Variants in LHFPL3 observed in about 807,000 individuals in gnomAD.
The protein encoded by LHFPL3 is LHFPL tetraspan subfamily member 3.
LHFPL3 carries 5 observed loss-of-function variants against 19.3 expected under a neutral mutation model. The observed-to-expected ratio is 0.26, with a 90% CI of 0.14 to 0.54. The LOEUF (loss-of-function observed/expected upper bound fraction) is 0.54. Ranked by LOEUF, LHFPL3 falls within the 20% of genes least tolerant of loss-of-function variation. The probability of loss-of-function intolerance (pLI) is 0.94; values close to 1 mark genes in which losing one functional copy is unlikely to be tolerated. For synonymous variants in LHFPL3, 133 were observed against 126.2 expected (o/e 1.05, Z -0.36); for missense variants, 249 against 307.4 (o/e 0.81, Z 1.42).
intron 1 of LHFPL3, among the ~76,000 whole-genome samples, chr7:104,519,936 T>C (rs1246294580): frequency 2.0e-5 from 3 of 152,120 alleles, no homozygotes; most frequent in East Asian, 3.9e-4. Flanking sequence ...TCGGGACTTC[T>C]GCATTGTCAA....
intron 2 of LHFPL3, chr7:104,845,550 T>A: frequency 3.5e-6 from 4 of 1,157,686 alleles, no homozygotes; most frequent in Middle Eastern, 2.3e-4. Context: ...TTGAGCCGCA[T>A]GAAACTGCCG....
chr7:104,672,753 G>A (rs1349175979), intron 1 of LHFPL3, among the ~76,000 whole-genome samples: 2 of 152,248 alleles, frequency 1.3e-5, no homozygotes, highest in Middle Eastern at 3.4e-3. Context: ...CACCTTCCCA[G>A]TTCATCCTGA....
intron 1 of LHFPL3, among the ~76,000 whole-genome samples, chr7:104,492,317 A>C (rs1207822003): frequency 1.3e-5 from 2 of 152,230 alleles, no homozygotes; most frequent in African/African-American, 4.8e-5. Flanking sequence ...GTGGCACTCT[A>C]AAGCACTGGA....
chr7:104,719,227 T>C (rs992698924), intron 1 of LHFPL3, among the ~76,000 whole-genome samples: 1 of 152,218 alleles, frequency 6.6e-6, no homozygotes, highest in African/African-American at 2.4e-5. Flanking sequence ...GAAATTATTA[T>C]ACATACAAGT....
At chr7:104,466,425 CAA>C (rs199630592) in intron 1 of LHFPL3, among the ~76,000 whole-genome samples, 1,714 of 152,208 alleles carry the variant, frequency 0.011, 23 homozygotes, top group African/African-American at 0.039. Flanking sequence ...ACATTGGAGA[CAA>C]GAGAAATATG....
At chr7:104,525,164 G>T (rs540064165) in intron 1 of LHFPL3, among the ~76,000 whole-genome samples, 2 of 152,216 alleles carry the variant, frequency 1.3e-5, no homozygotes, top group African/African-American at 4.8e-5. Context: ...TCAATATGCT[G>T]CTCACTGTTT....
chr7:104,886,453 C>A (rs1190557046), intron 2 of LHFPL3, among the ~76,000 whole-genome samples: 4 of 152,184 alleles, frequency 2.6e-5, no homozygotes, highest in Non-Finnish European at 5.9e-5. Flanking sequence ...CAACTTCCGC[C>A]ACCTGGGTTC....
intron 2 of LHFPL3, among the ~76,000 whole-genome samples, chr7:104,899,875 G>A (rs1394559529): frequency 6.6e-6 from 1 of 152,134 alleles, no homozygotes; most frequent in Non-Finnish European, 1.5e-5. Context: ...GGGATTACAA[G>A]CACCTGCCAC....
chr7:104,671,726 A>T (rs1465161308), intron 1 of LHFPL3, among the ~76,000 whole-genome samples: 3 of 152,174 alleles, frequency 2.0e-5, no homozygotes. Context: ...TCTCATCTGT[A>T]AAAAAATAAA....
intron 1 of LHFPL3, among the ~76,000 whole-genome samples, chr7:104,536,775 T>G (rs544384780): frequency 6.6e-6 from 1 of 152,306 alleles, no homozygotes; most frequent in East Asian, 1.9e-4. Flanking sequence ...TGGTAAAAAA[T>G]TAAGCTTGCA....
At chr7:104,555,377 T>C (rs1447765721) in intron 1 of LHFPL3, among the ~76,000 whole-genome samples, 3 of 152,276 alleles carry the variant, frequency 2.0e-5, no homozygotes, top group South Asian at 4.2e-4. Flanking sequence ...AATAGACTTA[T>C]AGTTCCACAT....
intron 1 of LHFPL3, among the ~76,000 whole-genome samples, chr7:104,379,457 A>C (rs949805450): frequency 3.9e-5 from 6 of 152,172 alleles, no homozygotes; most frequent in Admixed American, 3.9e-4. Flanking sequence ...TTACTCCAAG[A>C]GGCTAGTAAT....
At chr7:104,611,498 T>G (rs1409733509) in intron 1 of LHFPL3, among the ~76,000 whole-genome samples, 2 of 152,190 alleles carry the variant, frequency 1.3e-5, no homozygotes, top group African/African-American at 4.8e-5. Flanking sequence ...TGTGTTACAA[T>G]ACTTGACAGT....
In LHFPL3 at chr7:104,906,340, A is replaced by G. The variant is rs1017222304; in HGVS notation, c.*125A>G. On this transcript the variant is annotated 3_prime_UTR_variant, in exon 3 of 3. Coordinates refer to ENST00000424859, the MANE Select transcript of LHFPL3 (RefSeq NM_199000.3). ...GAGAGATCAGAGTATATAGATGAATATGAACAAGAATGGAACATTCACTTG... is the reference window on the plus strand; with the variant it reads ...GAGAGATCAGAGTATATAGATGAATGTGAACAAGAATGGAACATTCACTTG... 2 of 1,084,846 alleles carry G rather than the reference A, an allele frequency of 1.8e-6. No homozygotes were observed. Among genetic ancestry groups the G allele is most frequent in the African/African-American group, 3.2e-5 (2 of 63,240 alleles). The allele number at this position is 1,084,846 out of a possible 1,614,324, so 67.2% of individuals were successfully genotyped here. A position where few individuals can be genotyped will look rare whatever the true frequency, so the allele number is the denominator to read the frequency against.
At chr7:104,690,787 C>G (rs1341443212) in intron 1 of LHFPL3, among the ~76,000 whole-genome samples, 2 of 152,144 alleles carry the variant, frequency 1.3e-5, no homozygotes, top group East Asian at 3.8e-4. Flanking sequence ...TTACTCCAGC[C>G]CATTTATTGA....
chr7:104,444,989 C>CAA (rs34934942), intron 1 of LHFPL3, among the ~76,000 whole-genome samples: 15 of 140,800 alleles, frequency 1.1e-4, no homozygotes, highest in East Asian at 2.1e-4. Flanking sequence ...ACTCCGTCTC[C>CAA]AAAAAAAAAA....
chr7:104,344,589 T>C (rs934219690), intron 1 of LHFPL3, among the ~76,000 whole-genome samples: 2 of 152,244 alleles, frequency 1.3e-5, no homozygotes, highest in Non-Finnish European at 2.9e-5. Context: ...GCAAAAGACA[T>C]TATTTCATTC....
intron 1 of LHFPL3, among the ~76,000 whole-genome samples, chr7:104,732,081 A>T (rs1047695249): frequency 6.6e-6 from 1 of 152,138 alleles, no homozygotes; most frequent in Non-Finnish European, 1.5e-5. Context: ...AGTCCACTTG[A>T]TCATGGTGGA....
rs148910918 is a variant in LHFPL3 at position 104,734,334 on chromosome 7, T to A, written c.446-2341T>A. On this transcript the variant is annotated intron_variant, in intron 1 of 2. Coordinates refer to ENST00000424859, the MANE Select transcript of LHFPL3 (RefSeq NM_199000.3). The stretch of plus-strand genomic sequence containing the variant: ...AGTGTTTTCCAACTTGGTTCCATTC[T>A]CCCCGTCACTTTAAGCTACACCAAT... Among the ~76,000 whole-genome samples, 579 of 152,312 alleles carry A rather than the reference T, an allele frequency of 3.8e-3. 4 individuals are homozygous for A. The highest frequency in any genetic ancestry group is 0.013 in the African/African-American group (561 of 41,562).
Sources: gnomAD v4.1 joint callset for allele counts (sites outside exome capture counted in the v4.1 genomes callset) on GRCh38, gnomAD v4.1.1 for gene constraint, MANE v1.5 for transcripts, NCBI Gene and HGNC (gene_info 2026-07-23, HGNC 2026-07-21) for gene names.